Variants in CADM2 observed in about 807,000 individuals in gnomAD.
CADM2 encodes immunoglobulin superfamily member 4D.
Under a neutral mutation model 49.8 loss-of-function variants are expected in CADM2, and 12 were observed. The ratio of observed to expected loss-of-function variants is 0.24; its 90% CI spans 0.15 to 0.39. The LOEUF (loss-of-function observed/expected upper bound fraction) is 0.39, where lower values mean the gene tolerates loss of function less well. Among genes scored for constraint, CADM2 ranks in the 10% least tolerant of loss-of-function variants. CADM2 has a pLI of 1.00. For missense variants in CADM2, 378 were observed against 492.3 expected (o/e 0.77, Z 2.20); for synonymous variants, 214 against 175.4 (o/e 1.22, Z -1.74).
At chr3:85,066,913 A>G (rs2107461322) in intron 1 of CADM2, among the ~76,000 whole-genome samples, 1 of 152,040 alleles carries the variant, frequency 6.6e-6, no homozygotes, top group Admixed American at 6.6e-5. Context: ...TTTCTTGTTT[A>G]TTATCTCTTA....
At chr3:85,446,610 T>TG (rs965348902) in intron 1 of CADM2, among the ~76,000 whole-genome samples, 28 of 149,576 alleles carry the variant, frequency 1.9e-4, no homozygotes, top group South Asian at 1.3e-3. Context: ...TTTTGTTTTT[T>TG]TTTTTTTTTG....
intron 8 of CADM2, among the ~76,000 whole-genome samples, chr3:86,006,284 T>C (rs969424279): frequency 1.4e-4 from 22 of 152,288 alleles, no homozygotes; most frequent in African/African-American, 5.3e-4. Context: ...GTTCCTCTCT[T>C]GAAATGTAGT....
chr3:85,650,154 C>T (rs762624722), intron 1 of CADM2, among the ~76,000 whole-genome samples: 3 of 152,218 alleles, frequency 2.0e-5, no homozygotes, highest in Non-Finnish European at 4.4e-5. Context: ...GAGAGGGCTA[C>T]GTTCTCAGCC....
At chr3:85,085,541 T>G (rs2037335196) in intron 1 of CADM2, among the ~76,000 whole-genome samples, 1 of 152,162 alleles carries the variant, frequency 6.6e-6, no homozygotes, top group Non-Finnish European at 1.5e-5. Flanking sequence ...TGTTAGTTTA[T>G]TCTTAAGATA....
At chr3:85,268,016 A>G (rs2106831609) in intron 1 of CADM2, among the ~76,000 whole-genome samples, 1 of 151,666 alleles carries the variant, frequency 6.6e-6, no homozygotes, top group South Asian at 2.1e-4. Flanking sequence ...AGTAAAAGCA[A>G]TAGGTTTCAG....
chr3:85,383,890 C>A (rs1559812177), intron 1 of CADM2, among the ~76,000 whole-genome samples: 1 of 151,932 alleles, frequency 6.6e-6, no homozygotes, highest in Admixed American at 6.6e-5. Context: ...TTTATCATTT[C>A]TTCTTTGATG....
chr3:85,159,636 A>G (rs910987476), intron 1 of CADM2, among the ~76,000 whole-genome samples: 1 of 152,196 alleles, frequency 6.6e-6, no homozygotes, highest in Non-Finnish European at 1.5e-5. Flanking sequence ...CAATAGGTGA[A>G]CATCTATGAG....
At chr3:85,292,781 T>C (rs1031308818) in intron 1 of CADM2, among the ~76,000 whole-genome samples, 2 of 152,118 alleles carry the variant, frequency 1.3e-5, no homozygotes, top group Non-Finnish European at 2.9e-5. Context: ...CTGGGATGCA[T>C]TAAAAGCAGT....
chr3:86,049,799 C>T (rs914545190), intron 8 of CADM2, among the ~76,000 whole-genome samples: 7 of 152,108 alleles, frequency 4.6e-5, no homozygotes, highest in East Asian at 1.9e-4. Context: ...ACCAACGGGG[C>T]GGTGCCAAAC....
intron 1 of CADM2, among the ~76,000 whole-genome samples, chr3:85,197,511 G>T (rs370733246): frequency 6.6e-6 from 1 of 151,906 alleles, no homozygotes; most frequent in Admixed American, 6.6e-5. Flanking sequence ...TTTTACAGAT[G>T]AAGAAGCAGA....
intron 1 of CADM2, among the ~76,000 whole-genome samples, chr3:85,416,423 A>C (rs1231001000): frequency 6.6e-6 from 1 of 152,204 alleles, no homozygotes; most frequent in East Asian, 1.9e-4. Flanking sequence ...GAAATAAAGA[A>C]TAATATGTTT....
chr3:85,570,204 T>G (rs1471999469), intron 1 of CADM2, among the ~76,000 whole-genome samples: 4 of 152,182 alleles, frequency 2.6e-5, no homozygotes, highest in Non-Finnish European at 4.4e-5. Flanking sequence ...TTTAGAAATC[T>G]GCCTGTCTAC....
chr3:85,373,394 T>C (rs778401875), intron 1 of CADM2, among the ~76,000 whole-genome samples: 1 of 152,136 alleles, frequency 6.6e-6, no homozygotes, highest in Non-Finnish European at 1.5e-5. Context: ...CCCATGGTCT[T>C]GGGCAGCTCT....
chr3:85,901,139 C>T (rs189549627), intron 5 of CADM2, among the ~76,000 whole-genome samples: 7 of 152,104 alleles, frequency 4.6e-5, no homozygotes, highest in Non-Finnish European at 1.0e-4. Flanking sequence ...GGTTGCAGTG[C>T]ACCAAGATGG....
intron 1 of CADM2, among the ~76,000 whole-genome samples, chr3:85,021,524 C>G (rs1450065768): frequency 6.6e-6 from 1 of 152,086 alleles, no homozygotes; most frequent in East Asian, 1.9e-4. Context: ...CCTGTAATCC[C>G]AGCACTTTGG....
intron 1 of CADM2, among the ~76,000 whole-genome samples, chr3:85,434,389 T>A (rs988021189): frequency 7.2e-5 from 11 of 151,950 alleles, no homozygotes; most frequent in African/African-American, 2.2e-4. Context: ...CTTTTATTAG[T>A]TATGATTATC....
chr3:86,062,008 C>A (rs1463682160), intron 8 of CADM2, among the ~76,000 whole-genome samples: 4 of 150,416 alleles, frequency 2.7e-5, no homozygotes, highest in Admixed American at 6.7e-5. Context: ...TGAATTTGTA[C>A]AATTTTTTGG....
intron 1 of CADM2, among the ~76,000 whole-genome samples, chr3:85,251,924 A>G (rs142678485): frequency 6.6e-6 from 1 of 151,964 alleles, no homozygotes; most frequent in Admixed American, 6.6e-5. Flanking sequence ...GGTCAACATG[A>G]ATGGCATTTT....
intron 1 of CADM2, among the ~76,000 whole-genome samples, chr3:85,218,563 C>T (rs950149386): frequency 1.4e-4 from 21 of 151,936 alleles, no homozygotes; most frequent in Admixed American, 1.1e-3. Flanking sequence ...TTTTGGAGCC[C>T]GAGGTGGGTG....
Sources: allele counts gnomAD v4.1 joint callset (sites outside exome capture counted in the v4.1 genomes callset), GRCh38; gene constraint gnomAD v4.1.1; transcripts MANE v1.5; gene names NCBI Gene and HGNC (gene_info 2026-07-23, HGNC 2026-07-21).